FNIP1: variants seen among roughly 807,000 people sequenced by gnomAD.
FNIP1 encodes folliculin-interacting protein 1.
Under a neutral mutation model 124.5 loss-of-function variants are expected in FNIP1, and 40 were observed. That is an observed-to-expected ratio of 0.32 (90% CI 0.25 to 0.42). FNIP1 has a LOEUF of 0.42. FNIP1 is among the 10% of genes least tolerant of loss of function. The probability of loss-of-function intolerance (pLI) is 1.00; values close to 1 mark genes in which losing one functional copy is unlikely to be tolerated. For missense variants in FNIP1, 1,176 were observed against 1,403.7 expected (o/e 0.84, Z 2.59); for synonymous variants, 472 against 470.6 (o/e 1.00, Z -0.04).
intron 5 of FNIP1, among the ~76,000 whole-genome samples, chr5:131,717,974 G>C (rs1465464312): frequency 6.6e-6 from 1 of 151,584 alleles, no homozygotes; most frequent in Non-Finnish European, 1.5e-5. Context: ...TTGAGGTCAG[G>C]AGTTTGACAC....
chr5:131,699,745 G>A (rs910594686), intron 10 of FNIP1, among the ~76,000 whole-genome samples: 1 of 151,174 alleles, frequency 6.6e-6, no homozygotes, highest in Non-Finnish European at 1.5e-5. Flanking sequence ...GCAAAATCCT[G>A]TCTATACTAA....
In FNIP1 at chr5:131,793,301, C is replaced by T. The variant is rs183377770; in HGVS notation, c.92+3529G>A. Among the ~76,000 whole-genome samples the T allele has an allele frequency of 4.6e-5, 7 of 152,260 alleles. No homozygotes were observed. In the East Asian group the frequency reaches 1.3e-3, roughly 29 times the overall value. On this transcript the variant is annotated intron_variant, in intron 1 of 17. Transcript: ENST00000510461. ...CTCCCGCCATGGGCCTCCCAAAGTG[C>T]TGGGATTACAAGTATAAGCCACCAA...
intron 13 of FNIP1, among the ~76,000 whole-genome samples, chr5:131,673,810 T>C (rs1356864903): frequency 6.6e-6 from 1 of 151,732 alleles, no homozygotes; most frequent in African/African-American, 2.4e-5. Context: ...CCGAGATGGG[T>C]GGATCACTTG....
rs547810022 is a variant in FNIP1, at chr5:131,718,104, A to G, written c.530+882T>C. Among the ~76,000 whole-genome samples, 5 of 151,698 alleles carry G rather than the reference A, an allele frequency of 3.3e-5. No individual in the cohort carries two copies. The South Asian group carries it at 8.3e-4, about 25-fold the overall frequency. On this transcript the variant is annotated intron_variant, in intron 5 of 17. Coordinates refer to ENST00000510461, the MANE Select transcript of FNIP1 (RefSeq NM_133372.3). Reference sequence around the variant, plus strand: ...CTACTCTGGAGGCTGAGTCAGGAGAATCGCTTGAACCCAGGACAGAGGTTG... The same window carrying G: ...CTACTCTGGAGGCTGAGTCAGGAGAGTCGCTTGAACCCAGGACAGAGGTTG...
intron 1 of FNIP1, among the ~76,000 whole-genome samples, chr5:131,778,706 T>C (rs1478909955): frequency 5.6e-5 from 5 of 88,674 alleles, no homozygotes; most frequent in African/African-American, 1.4e-4. Context: ...CGTATGTTTA[T>C]TGCGGCATTA....
At chr5:131,730,464 TC>T (rs572657371) in intron 3 of FNIP1, among the ~76,000 whole-genome samples, 107 of 152,326 alleles carry the variant, frequency 7.0e-4, no homozygotes, top group South Asian at 3.9e-3. Flanking sequence ...AGAGAGAAGT[TC>T]CTATGTATTA....
chr5:131,645,951 T>A (rs1382034175), intron 17 of FNIP1, among the ~76,000 whole-genome samples: 1 of 152,120 alleles, frequency 6.6e-6, no homozygotes, highest in Non-Finnish European at 1.5e-5. Flanking sequence ...AGTGTTTGAG[T>A]AGGGGTTGGA....
intron 1 of FNIP1, among the ~76,000 whole-genome samples, chr5:131,793,191 A>G (rs1772467422): frequency 6.6e-6 from 1 of 151,964 alleles, no homozygotes; most frequent in Non-Finnish European, 1.5e-5. Context: ...GCTGCCACAC[A>G]TGGCTAATTT....
intron 1 of FNIP1, among the ~76,000 whole-genome samples, chr5:131,749,222 G>A (rs1253189095): frequency 6.6e-6 from 1 of 151,902 alleles, no homozygotes; most frequent in Admixed American, 6.6e-5. Context: ...ATTTAATGTA[G>A]CCTAAGTATA....
At chr5:131,651,743 CAAT>C in intron 16 of FNIP1, 56 bp downstream of exon 16, 2 of 1,518,330 alleles carry the variant, frequency 1.3e-6, no homozygotes, top group Non-Finnish European at 1.8e-6. Context: ...TCAGAAAAAA[CAAT>C]GATGAAAGCT....
chr5:131,721,009 T>C (rs2149543566), intron 3 of FNIP1, among the ~76,000 whole-genome samples: 1 of 152,312 alleles, frequency 6.6e-6, no homozygotes, highest in Non-Finnish European at 1.5e-5. Flanking sequence ...AATCAGGATC[T>C]CAAAGAGATG....
chr5:131,694,857 C>A (rs1484856278), intron 11 of FNIP1, among the ~76,000 whole-genome samples: 2 of 152,082 alleles, frequency 1.3e-5, no homozygotes, highest in African/African-American at 4.8e-5. Context: ...GTAATCCCAG[C>A]ACTTTGGGAG....
chr5:131,794,797 C>T (rs1772525004), intron 1 of FNIP1, among the ~76,000 whole-genome samples: 1 of 152,096 alleles, frequency 6.6e-6, no homozygotes, highest in Admixed American at 6.6e-5. Flanking sequence ...AAAAAAGGAA[C>T]TAATAAATGC....
chr5:131,738,896 A>G (rs1194348917), intron 2 of FNIP1, among the ~76,000 whole-genome samples: 1 of 148,680 alleles, frequency 6.7e-6, no homozygotes, highest in Non-Finnish European at 1.5e-5. Context: ...GGCTCATTGC[A>G]ACCTCCACTT....
intron 1 of FNIP1, among the ~76,000 whole-genome samples, chr5:131,788,892 T>C (rs1166355529): frequency 3.3e-5 from 5 of 152,106 alleles, no homozygotes; most frequent in African/African-American, 4.8e-5. Context: ...AACTACCATA[T>C]GATCCAGCAA....
intron 14 of FNIP1, 90 bp downstream of exon 14, chr5:131,671,413 ATC>A: frequency 9.7e-7 from 1 of 1,031,778 alleles, no homozygotes; most frequent in South Asian, 1.6e-5. Context: ...CAGAACAATG[ATC>A]TCTTTTATAC....
chr5:131,741,543 T>C (rs1198597457), intron 2 of FNIP1, among the ~76,000 whole-genome samples: 1 of 152,224 alleles, frequency 6.6e-6, no homozygotes, highest in Non-Finnish European at 1.5e-5. Flanking sequence ...AAAAATGATC[T>C]GCTTATATTA....
chr5:131,661,220 T>TTGTGTGTGTGTGTG (rs370206265), intron 15 of FNIP1, among the ~76,000 whole-genome samples: 2 of 147,636 alleles, frequency 1.4e-5, no homozygotes, highest in East Asian at 4.0e-4. Context: ...TGTCTTTGTT[T>TTGTGTGTGTGTGTG]TGTGTGTGTG....
chr5:131,716,515 G>C (rs754490724), intron 6 of FNIP1, 50 bp downstream of exon 6: 7 of 1,266,746 alleles, frequency 5.5e-6, no homozygotes, highest in South Asian at 1.3e-5. Context: ...AAAAACACTT[G>C]TTACCCTGCT....
Sources: allele counts gnomAD v4.1 joint callset (sites outside exome capture counted in the v4.1 genomes callset), GRCh38; gene constraint gnomAD v4.1.1; transcripts MANE v1.5; gene names NCBI Gene and HGNC (gene_info 2026-07-23, HGNC 2026-07-21).